The following FOXI1 variants were observed in gnomAD, a reference collection of about 807,000 sequenced individuals.
FOXI1 encodes the protein forkhead box protein I1.
Under a neutral mutation model 16.4 loss-of-function variants are expected in FOXI1, and 11 were observed. The observed-to-expected ratio is 0.67, with a 90% confidence interval of 0.42 to 1.11. The LOEUF (loss-of-function observed/expected upper bound fraction) is 1.11. FOXI1 is among the 50% of genes least tolerant of loss of function. The probability of loss-of-function intolerance (pLI) is 0.00; values close to 1 mark genes in which losing one functional copy is unlikely to be tolerated. For synonymous variants in FOXI1, 218 were observed against 211.5 expected, an observed-to-expected ratio of 1.03 and a Z score of -0.27; for missense variants, 480 against 506.1, an observed-to-expected ratio of 0.95 and a Z score of 0.49.
Position 170,106,492 on chromosome 5 carries a change from G to A in FOXI1, c.535G>A (p.Asp179Asn), listed in dbSNP as rs376307456. 1.2e-6 allele frequency: 2 copies of A among 1,614,260 alleles called. No homozygotes were observed. Among genetic ancestry groups the A allele is most frequent in the Non-Finnish European group, 1.7e-6 (2 of 1,180,050 alleles). The stretch of plus-strand genomic sequence containing the variant: ...CATCCGCCACAACCTGTCGCTCAAC[G>A]ACTGCTTCAAGAAGGTGCCCCGCGA... Reference protein sequence around the residue: ...NSIRHNLSLNDCFKKVPRDED... With the variant: ...NSIRHNLSLNNCFKKVPRDED... The change falls in exon 1 of 2, where the codon GAC (aspartate) becomes AAC (asparagine). Residue 179 changes from aspartate (D) to asparagine (N), a missense_variant. Asp to Asn is a conservative substitution (Grantham distance 23). Around this residue, in one of 3 missense-constraint regions of FOXI1, gnomAD observed 257 missense variants for 262.2 expected, o/e 0.98. Transcript: ENST00000306268.
chr5:170,106,957 ACCAACCAAAGC>A, intron 1 of FOXI1: 1 of 984,974 alleles, frequency 1.0e-6, no homozygotes. Flanking sequence ...GAATGACTGG[ACCAACCAAAGC>A]CCAAGGGCAT....
chr5:170,108,151 C>T lies in FOXI1; in HGVS notation c.677C>T (p.Thr226Ile), dbSNP rs115399307. 10,398 of 1,614,080 alleles carry T rather than the reference C, an allele frequency of 6.4e-3. 64 individuals carry two copies. Among genetic ancestry groups the T allele is most frequent in the Non-Finnish European group, 8.3e-3 (9,802 of 1,179,908 alleles). ...AGAAAATCAGATGTTTCCTCTAGCACAGCCTCCTTGGCCTTAGAGAAGACA... is the reference window on the plus strand; with the variant it reads ...AGAAAATCAGATGTTTCCTCTAGCATAGCCTCCTTGGCCTTAGAGAAGACA... ...RKRKSDVSSS[T>I]ASLALEKTES... Residue 226 changes from threonine to isoleucine, a missense_variant, in exon 2 of 2, where the codon ACA (threonine) becomes ATA (isoleucine). Coordinates refer to ENST00000306268, the MANE Select transcript of FOXI1 (RefSeq NM_012188.5).
chr5:170,106,663 G>A, intron 1 of FOXI1, 132 bp downstream of exon 1: 1 of 1,363,218 alleles, frequency 7.3e-7, no homozygotes, highest in Middle Eastern at 1.8e-4. Flanking sequence ...GCAGGACAGA[G>A]GGGAGCTCAG....
At position 170,108,946 on chromosome 5, in the gene FOXI1, T is replaced by G. The variant is rs1758586656; in HGVS notation, c.*335T>G. 3.5e-6 allele frequency: 1 copy of G among 285,554 alleles called. No individual in the cohort carries two copies. The highest frequency in any genetic ancestry group is 6.6e-6 in the Non-Finnish European group (1 of 151,762). The allele number at this position is 285,554 out of a possible 1,614,324, so 17.7% of individuals were successfully genotyped here. A position where few individuals can be genotyped will look rare whatever the true frequency, so the allele number is the denominator to read the frequency against. On this transcript the variant is annotated 3_prime_UTR_variant, in exon 2 of 2. Transcript: ENST00000306268. The stretch of plus-strand genomic sequence containing the variant: ...CCACCCCATTGAACAGATGAGGAAC[T>G]GAGGCTCAAGGAGGTTAAGTAACAT...
In FOXI1 at chr5:170,108,642, T is replaced by G. The variant is rs753004999; in HGVS notation, c.*31T>G. The G allele has an allele frequency of 4.3e-5, 67 of 1,560,618 alleles. No individual in the cohort carries two copies. Among genetic ancestry groups the G allele is most frequent in the Middle Eastern group, 3.4e-4 (2 of 5,954 alleles). ...GAACAGCTCCTGAGCCAGGTGGACA[T>G]GCCAGAGAGAAAAGCAGTAGAGGTC... On this transcript the variant is annotated 3_prime_UTR_variant, in exon 2 of 2. Transcript: ENST00000306268.
chr5:170,108,689 G>A lies in FOXI1; in HGVS notation c.*78G>A. 2 of 1,142,840 alleles carry A rather than the reference G, an allele frequency of 1.8e-6. No individual in the cohort carries two copies. Among genetic ancestry groups the A allele is most frequent in the Non-Finnish European group, 2.7e-6 (2 of 752,634 alleles). 70.8% of individuals were successfully genotyped at this position (1,142,840 alleles called of 1,614,324 possible). On this transcript the variant is annotated 3_prime_UTR_variant, in exon 2 of 2. Transcript: ENST00000306268. ...GGTCCTCCATGCCAGCCCCACGGTG[G>A]TCCATGACTGCGGAACTGCCCAGAC...
At position 170,108,581 on chromosome 5, in the gene FOXI1, C is replaced by T. The variant is rs1162145366; in HGVS notation, c.1107C>T (p.Val369=). Residue 369 remains valine (V), a synonymous_variant, in exon 2 of 2, where the codon GTC becomes GTT. Transcript: ENST00000306268. ...HFYNSVNTSG[V]LYPREGTEV ...ACAACAGTGTCAACACCAGTGGTGT[C>T]CTCTACCCCAGGGAGGGCACCGAGG... 1.9e-6 allele frequency: 3 copies of T among 1,613,404 alleles called. No individual in the cohort carries two copies. In the East Asian group the frequency reaches 6.7e-5, roughly 36 times the overall value.
intron 1 of FOXI1, 30 bp from the exon 2 acceptor site, chr5:170,108,019 T>G (rs755644418): frequency 3.2e-6 from 5 of 1,554,632 alleles, no homozygotes. Flanking sequence ...TGTCCACCTC[T>G]CTATTTACCC....
At position 170,108,668 on chromosome 5, in the gene FOXI1, C is replaced by A; in HGVS notation, c.*57C>A. 2 of 1,369,242 alleles carry A rather than the reference C, an allele frequency of 1.5e-6. No individual in the cohort carries two copies. Among genetic ancestry groups the A allele is most frequent in the Middle Eastern group, 1.8e-4 (1 of 5,570 alleles). 84.8% of individuals were successfully genotyped at this position (1,369,242 alleles called of 1,614,324 possible). On this transcript the variant is annotated 3_prime_UTR_variant, in exon 2 of 2. Transcript: ENST00000306268. ...GCCAGAGAGAAAAGCAGTAGAGGTCCTCCATGCCAGCCCCACGGTGGTCCA... is the reference window on the plus strand; with the variant it reads ...GCCAGAGAGAAAAGCAGTAGAGGTCATCCATGCCAGCCCCACGGTGGTCCA...
chr5:170,109,674 G>C lies in FOXI1; in HGVS notation c.*1063G>C, dbSNP rs1758607975. On this transcript the variant is annotated 3_prime_UTR_variant, in exon 2 of 2. Transcript: ENST00000306268. ...TTCTCCTTGTTTTTGTGAGTACCTGGGAAGTGTTGTTTGTTTTCTTATTTT... is the reference window on the plus strand; with the variant it reads ...TTCTCCTTGTTTTTGTGAGTACCTGCGAAGTGTTGTTTGTTTTCTTATTTT... The C allele has an allele frequency of 6.6e-6, 1 of 152,158 alleles. No homozygotes were observed. Among genetic ancestry groups the C allele is most frequent in the Non-Finnish European group, 1.5e-5 (1 of 68,032 alleles). 9.4% of individuals were successfully genotyped at this position (152,158 alleles called of 1,614,324 possible).
In FOXI1 at chr5:170,108,338, T is replaced by TGTGAG; in HGVS notation, c.865_869dup (p.Ser290ArgfsTer2). On this transcript the variant is annotated frameshift_variant, in exon 2 of 2. Coordinates refer to ENST00000306268, the MANE Select transcript of FOXI1 (RefSeq NM_012188.5). LOFTEE classifies it low-confidence loss of function (END_TRUNC). ...GCTTCCTTTCCTCTATGACAGCCTA[T>TGTGAG]GTGAGCGGGGGGAGCCCCACGAGCC... 1 of 1,614,146 alleles carries TGTGAG rather than the reference T, an allele frequency of 6.2e-7. No individual in the cohort carries two copies. The highest frequency in any genetic ancestry group is 8.5e-7 in the Non-Finnish European group (1 of 1,180,030).
Position 170,106,264 on chromosome 5 carries a change from G to A in FOXI1, c.307G>A (p.Gly103Arg), listed in dbSNP as rs1053809070. The A allele has an allele frequency of 2.5e-5, 39 of 1,579,706 alleles. No homozygotes were observed. The highest frequency in any genetic ancestry group is 3.6e-5 in the Admixed American group (2 of 54,914). The change falls in exon 1 of 2, where the codon GGG becomes AGG. Residue 103 changes from glycine to arginine, a missense_variant. Around this residue, in one of 3 missense-constraint regions of FOXI1, gnomAD observed 219 missense variants for 222.9 expected, o/e 0.98. Coordinates refer to ENST00000306268, the MANE Select transcript of FOXI1 (RefSeq NM_012188.5). Reference protein sequence around the residue: ...RPLLPSVSGLGGSDLGWLPIP... With the variant: ...RPLLPSVSGLRGSDLGWLPIP... The stretch of plus-strand genomic sequence containing the variant: ...GCTGCTGCCCAGCGTGTCGGGGCTT[G>A]GGGGGAGCGACCTGGGCTGGCTGCC...
rs1758583864 is a variant in FOXI1, at chr5:170,108,869, G to C, written c.*258G>C. On this transcript the variant is annotated 3_prime_UTR_variant, in exon 2 of 2. Coordinates refer to ENST00000306268, the MANE Select transcript of FOXI1 (RefSeq NM_012188.5). ...CTAACAGTGGCAGGTGCTGTACTAG[G>C]CTCTGTACTGGCCACACTTACTATT... 1 of 538,052 alleles carries C rather than the reference G, an allele frequency of 1.9e-6. No homozygotes were observed. The highest frequency in any genetic ancestry group is 2.1e-5 in the South Asian group (1 of 46,530). The allele number at this position is 538,052 out of a possible 1,614,324, so 33.3% of individuals were successfully genotyped here.
At position 170,106,186 on chromosome 5, in the gene FOXI1, C is replaced by G. The variant is rs1171140090; in HGVS notation, c.229C>G (p.Pro77Ala). 4 of 1,591,082 alleles carry G rather than the reference C, an allele frequency of 2.5e-6. No individual in the cohort carries two copies. The East Asian group carries it at 9.2e-5, about 37-fold the overall frequency. The change falls in exon 1 of 2, where the codon CCC (proline) becomes GCC (alanine). Residue 77 changes from proline to alanine, a missense_variant. Coordinates refer to ENST00000306268, the MANE Select transcript of FOXI1 (RefSeq NM_012188.5). ...GPTMTPPPYL[P>A]GPNASPFLPQ... ...CACCATGACCCCGCCACCCTACCTG[C>G]CCGGCCCCAACGCCAGCCCCTTCCT...
In FOXI1 at chr5:170,109,167, A is replaced by G. The variant is rs77823283; in HGVS notation, c.*556A>G. On this transcript the variant is annotated 3_prime_UTR_variant, in exon 2 of 2. Transcript: ENST00000306268. ...ACCAACATTTAGTGCCAGCCTAGGC[A>G]CAACTTGTCCTGGTCCAAGTCCTTA... The G allele has an allele frequency of 0.011, 1,660 of 154,204 alleles. 15 individuals are homozygous for G. The highest frequency in any genetic ancestry group is 0.015 in the Non-Finnish European group (1,007 of 69,324). 9.6% of individuals were successfully genotyped at this position (154,204 alleles called of 1,614,324 possible). A position where few individuals can be genotyped will look rare whatever the true frequency, so the allele number is the denominator to read the frequency against.
At position 170,106,047 on chromosome 5, in the gene FOXI1, C is replaced by G; in HGVS notation, c.90C>G (p.Leu30=). 6.2e-7 allele frequency: 1 copy of G among 1,613,090 alleles called. No homozygotes were observed. The highest frequency in any genetic ancestry group is 8.5e-7 in the Non-Finnish European group (1 of 1,179,252). Residue 30 remains leucine (L), a synonymous_variant, in exon 1 of 2, where the codon CTC becomes CTG. Coordinates refer to ENST00000306268, the MANE Select transcript of FOXI1 (RefSeq NM_012188.5). ...SIGQEPPEMN[L]YYENFFHPQG... ...GCCAGGAGCCCCCCGAGATGAACCT[C>G]TACTATGAGAACTTCTTCCACCCAC...
chr5:170,106,972 A>G, intron 1 of FOXI1: 2 of 985,330 alleles, frequency 2.0e-6, no homozygotes, highest in South Asian at 4.7e-5. Context: ...CCAAAGCCCA[A>G]GGGCATCCCA....
chr5:170,108,759 G>T lies in FOXI1; in HGVS notation c.*148G>T. ...GAATCCACCCTCTTTCTAGAACACT[G>T]GTTAAGGCTTCTGTTTATCACACAT... On this transcript the variant is annotated 3_prime_UTR_variant, in exon 2 of 2. Transcript: ENST00000306268. 1 of 676,604 alleles carries T rather than the reference G, an allele frequency of 1.5e-6. No homozygotes were observed. The allele number at this position is 676,604 out of a possible 1,614,324, so 41.9% of individuals were successfully genotyped here.
rs1487920356 is a variant in FOXI1, at chr5:170,108,208, C to T, written c.734C>T (p.Thr245Ile). Residue 245 changes from threonine to isoleucine, a missense_variant, in exon 2 of 2, where the codon ACC becomes ATC. By Grantham distance (89) the Thr-to-Ile change is moderately conservative (BLOSUM62 -1). This residue lies in a region of FOXI1 where 257 missense variants were observed against 262.2 expected (regional missense o/e 0.98). Transcript: ENST00000306268. ...AGTCTCCCGGTGGACAGCCCCAAGA[C>T]CACGGAGCCTCAGGACATCTTGGAT... Reference protein sequence around the residue: ...ESSLPVDSPKTTEPQDILDGA... With the variant: ...ESSLPVDSPKITEPQDILDGA... 3.7e-6 allele frequency: 6 copies of T among 1,614,210 alleles called. No homozygotes were observed. Among genetic ancestry groups the T allele is most frequent in the Non-Finnish European group, 5.1e-6 (6 of 1,180,030 alleles).
Sources: gnomAD v4.1 joint callset for allele counts on GRCh38, gnomAD v4.1.1 for gene constraint, gnomAD v4.1.1 regional missense constraint, MANE v1.5 for transcripts, NCBI Gene and HGNC (gene_info 2026-07-23, HGNC 2026-07-21) for gene names.